Variants in FOXK2 observed in about 807,000 individuals in gnomAD.
FOXK2 encodes the protein forkhead box protein K2.
FOXK2 carries 24 observed loss-of-function variants against 53.3 expected under a neutral mutation model. That is an observed-to-expected ratio of 0.45 (90% CI 0.33 to 0.63). The LOEUF is 0.63. Ranked by LOEUF, FOXK2 falls within the 30% of genes least tolerant of loss-of-function variation. The probability of loss-of-function intolerance (pLI) is 0.03; values close to 1 mark genes in which losing one functional copy is unlikely to be tolerated. For synonymous variants in FOXK2, 505 were observed against 407.1 expected (o/e 1.24, Z -2.89); for missense variants, 952 against 910.5 (o/e 1.05, Z -0.59).
intron 4 of FOXK2, 37 bp from the exon 5 acceptor site, chr17:82,582,704 A>C: frequency 6.7e-7 from 1 of 1,497,076 alleles, no homozygotes. Context: ...TCAGCAAATA[A>C]ATATATGAAT....
intron 1 of FOXK2, among the ~76,000 whole-genome samples, chr17:82,557,879 C>G (rs2044748788): frequency 6.6e-6 from 1 of 152,096 alleles, no homozygotes; most frequent in East Asian, 1.9e-4. Context: ...TCTTGAACTC[C>G]TGGGCTCAAG....
chr17:82,528,748 C>T (rs968466946), intron 1 of FOXK2, among the ~76,000 whole-genome samples: 1 of 152,202 alleles, frequency 6.6e-6, no homozygotes, highest in Non-Finnish European at 1.5e-5. Flanking sequence ...GGGCTTCAAA[C>T]GCCTCTGCTG....
At chr17:82,574,489 T>A (rs1205186786) in intron 4 of FOXK2, among the ~76,000 whole-genome samples, 1 of 152,072 alleles carries the variant, frequency 6.6e-6, no homozygotes, top group Non-Finnish European at 1.5e-5. Context: ...CCCGGCTAAT[T>A]TTGTATTTTT....
chr17:82,540,018 C>T (rs1041339512), intron 1 of FOXK2, among the ~76,000 whole-genome samples: 6 of 151,802 alleles, frequency 4.0e-5, no homozygotes, highest in African/African-American at 9.7e-5. Context: ...CGGTGGCTCA[C>T]GCCTGTAATC....
intron 3 of FOXK2, among the ~76,000 whole-genome samples, chr17:82,568,515 G>C (rs1054906500): frequency 6.6e-6 from 1 of 152,192 alleles, no homozygotes; most frequent in Non-Finnish European, 1.5e-5. Flanking sequence ...TGTTTGTGCC[G>C]GAGTTTATCC....
At chr17:82,599,753 C>G (rs1024314756) in intron 8 of FOXK2, 2 of 152,306 alleles carry the variant, frequency 1.3e-5, no homozygotes, top group Non-Finnish European at 2.9e-5. Flanking sequence ...GGAGGTCGGT[C>G]TCTGACCAGC....
In FOXK2 at chr17:82,586,072, C is replaced by A. The variant is rs541753483; in HGVS notation, c.1448C>A (p.Thr483Asn). 2 of 1,612,682 alleles carry A rather than the reference C, an allele frequency of 1.2e-6. No homozygotes were observed. The highest frequency in any genetic ancestry group is 2.7e-5 in the African/African-American group (2 of 74,946). ...VVHQIPAVSVTSVAGLAPANT... is the reference protein window; with the variant it reads ...VVHQIPAVSVNSVAGLAPANT... ...CACCAGATCCCAGCGGTGTCGGTCA[C>A]CAGTGTGGCCGGACTGGCCCCAGCG... Residue 483 changes from threonine (T) to asparagine (N), a missense_variant, in exon 7 of 9, where the codon ACC (threonine) becomes AAC (asparagine). This residue lies in a region of FOXK2 where 551 missense variants were observed against 385.1 expected (regional missense o/e 1.43). Coordinates refer to ENST00000335255, the MANE Select transcript of FOXK2 (RefSeq NM_004514.4).
rs766101638 is a variant in FOXK2 at position 82,584,033 on chromosome 17, A to G, written c.1124A>G (p.Asn375Ser). 2.8e-5 allele frequency: 45 copies of G among 1,603,414 alleles called. No individual in the cohort carries two copies. The highest frequency in any genetic ancestry group is 3.7e-5 in the Non-Finnish European group (43 of 1,173,790). Residue 375 changes from asparagine to serine, a missense_variant, in exon 6 of 9, where the codon AAT becomes AGT. This residue lies in a region of FOXK2 where 160 missense variants were observed against 214.2 expected (regional missense o/e 0.75). Coordinates refer to ENST00000335255, the MANE Select transcript of FOXK2 (RefSeq NM_004514.4). ...LSSRSAPASP[N>S]HAGVLSAHSS... ...CACAGGAGTGCCCCAGCCTCTCCCA[A>G]TCACGCGGGAGTGCTGTCTGCTCAC...
rs567307131 is a variant in FOXK2 at position 82,585,966 on chromosome 17, A to G, written c.1342A>G (p.Lys448Glu). Residue 448 changes from lysine to glutamate, a missense_variant, in exon 7 of 9, where the codon AAG becomes GAG. Lys to Glu is a moderately conservative substitution (Grantham distance 56). Around this residue, in one of 5 missense-constraint regions of FOXK2, gnomAD observed 551 missense variants for 385.1 expected, o/e 1.43. Transcript: ENST00000335255. ...CCAGCGGCAGCTACCACAGGCCATC[A>G]AGCCTGTCACCTACACTGTGGCCAC... ...TVQRQLPQAIKPVTYTVATPV... is the reference protein window; with the variant it reads ...TVQRQLPQAIEPVTYTVATPV... The G allele has an allele frequency of 1.2e-6, 2 of 1,612,662 alleles. No homozygotes were observed. The highest frequency in any genetic ancestry group is 1.7e-6 in the Non-Finnish European group (2 of 1,179,902).
chr17:82,589,849 C>T (rs928087432), intron 8 of FOXK2, among the ~76,000 whole-genome samples: 1 of 152,140 alleles, frequency 6.6e-6, no homozygotes, highest in Admixed American at 6.5e-5. Flanking sequence ...AGTTGGAGAC[C>T]AGCCTGGCCA....
chr17:82,533,738 A>G (rs1449779809), intron 1 of FOXK2, among the ~76,000 whole-genome samples: 1 of 151,896 alleles, frequency 6.6e-6, no homozygotes, highest in East Asian at 1.9e-4. Flanking sequence ...GCGGCCCATC[A>G]TTGACTTGAA....
At chr17:82,582,172 G>A (rs2045071683) in intron 4 of FOXK2, among the ~76,000 whole-genome samples, 1 of 152,190 alleles carries the variant, frequency 6.6e-6, no homozygotes, top group African/African-American at 2.4e-5. Context: ...TCTCCAAGCA[G>A]GGAGAGGTTG....
At chr17:82,569,710 T>G (rs2044892168) in intron 3 of FOXK2, among the ~76,000 whole-genome samples, 1 of 152,172 alleles carries the variant, frequency 6.6e-6, no homozygotes, top group Non-Finnish European at 1.5e-5. Context: ...GTTAGCTGTT[T>G]AAAGGAAGAG....
Position 82,583,987 on chromosome 17 carries a change from G to A in FOXK2, c.1104-26G>A, listed in dbSNP as rs771626203. ...TTCTGAGTGCGTCAGCTGTAACCAT[G>A]CAATGTCTTCTTCTCGGTGACACAG... On this transcript the variant is annotated intron_variant, in intron 5 of 8. Transcript: ENST00000335255. 6 of 1,565,710 alleles carry A rather than the reference G, an allele frequency of 3.8e-6. No individual in the cohort carries two copies. In the East Asian group the frequency reaches 1.2e-4, roughly 30 times the overall value.
chr17:82,521,896 A>G (rs879626760), intron 1 of FOXK2, among the ~76,000 whole-genome samples: 6 of 151,476 alleles, frequency 4.0e-5, no homozygotes, highest in Non-Finnish European at 7.4e-5. Flanking sequence ...AGATCGCACC[A>G]CTGCACTCCA....
intron 7 of FOXK2, 36 bp from the exon 8 acceptor site, chr17:82,587,025 CAG>C: frequency 1.3e-6 from 2 of 1,586,376 alleles, no homozygotes; most frequent in Non-Finnish European, 1.7e-6. Context: ...ATTTGCTTTC[CAG>C]TAATATTAAT....
At chr17:82,595,705 C>T in intron 8 of FOXK2, 1 of 1,194,896 alleles carries the variant, frequency 8.4e-7, no homozygotes, top group Non-Finnish European at 1.1e-6. Flanking sequence ...GTTATTAAGC[C>T]TGTGTCACTA....
intron 1 of FOXK2, among the ~76,000 whole-genome samples, chr17:82,554,382 TA>T (rs1263083428): frequency 6.6e-6 from 1 of 152,184 alleles, no homozygotes; most frequent in Non-Finnish European, 1.5e-5. Flanking sequence ...TGTTAATTCA[TA>T]AACTCCAGAC....
intron 8 of FOXK2, chr17:82,595,718 C>T (rs2045302906): frequency 1.6e-6 from 2 of 1,250,080 alleles, no homozygotes; most frequent in Admixed American, 4.8e-5. Flanking sequence ...TGTCACTATT[C>T]CCTGGGCCCT....
Sources: allele counts gnomAD v4.1 joint callset (sites outside exome capture counted in the v4.1 genomes callset), GRCh38; gene constraint gnomAD v4.1.1; regional missense constraint gnomAD v4.1.1; transcripts MANE v1.5; gene names NCBI Gene and HGNC (gene_info 2026-07-23, HGNC 2026-07-21).